The following GRB10 variants were observed in gnomAD, a reference collection of about 807,000 sequenced individuals.
GRB10 encodes growth factor receptor-bound protein 10.
Under a neutral mutation model 80.9 loss-of-function variants are expected in GRB10, and 20 were observed. That is an observed-to-expected ratio of 0.25 (90% CI 0.17 to 0.36). The LOEUF is 0.36. Among genes scored for constraint, GRB10 ranks in the 10% least tolerant of loss-of-function variants. GRB10 has a pLI of 1.00. For missense variants in GRB10, 548 were observed against 747.7 expected (o/e 0.73, Z 3.12); for synonymous variants, 291 against 291.5 (o/e 1.00, Z 0.02).
At chr7:50,604,941 C>T in intron 15 of GRB10, 1 of 322,856 alleles carries the variant, frequency 3.1e-6, no homozygotes, top group Non-Finnish European at 5.8e-6. Context: ...TTGATGTGAG[C>T]ACCTGCTGGC....
chr7:50,620,253 G>A (rs1337828188), intron 8 of GRB10, among the ~76,000 whole-genome samples: 4 of 152,140 alleles, frequency 2.6e-5, no homozygotes, highest in Non-Finnish European at 5.9e-5. Context: ...ATGCCAAAAT[G>A]GTACAGATTA....
At chr7:50,612,925 A>C (rs2049845171) in intron 12 of GRB10, 86 bp from the exon 13 acceptor site, 3 of 808,712 alleles carry the variant, frequency 3.7e-6, no homozygotes, top group Non-Finnish European at 6.4e-6. Flanking sequence ...TCTGACACAA[A>C]CCAGAGACAA....
intron 4 of GRB10, among the ~76,000 whole-genome samples, chr7:50,721,683 T>A (rs796375053): frequency 5.9e-5 from 9 of 152,196 alleles, no homozygotes; most frequent in African/African-American, 2.2e-4. Flanking sequence ...CACCTCACCA[T>A]GTCACCCATT....
chr7:50,651,355 C>T (rs1179303527), intron 7 of GRB10, among the ~76,000 whole-genome samples: 1 of 152,214 alleles, frequency 6.6e-6, no homozygotes, highest in African/African-American at 2.4e-5. Context: ...CTGGCGGCTG[C>T]TGGCATCTTT....
intron 2 of GRB10, among the ~76,000 whole-genome samples, chr7:50,766,162 G>A (rs1320118744): frequency 6.6e-6 from 1 of 152,166 alleles, no homozygotes; most frequent in African/African-American, 2.4e-5. Flanking sequence ...TTTTCATCCA[G>A]TTTCAGGCCA....
At chr7:50,720,431 C>T (rs2067530080) in intron 4 of GRB10, among the ~76,000 whole-genome samples, 1 of 152,114 alleles carries the variant, frequency 6.6e-6, no homozygotes, top group East Asian at 1.9e-4. Flanking sequence ...CCTAAGTGAC[C>T]CCCTTTGTCG....
Position 50,615,037 on chromosome 7 carries a change from C to T in GRB10, c.985-157G>A, listed in dbSNP as rs1038163592. On this transcript the variant is annotated intron_variant, in intron 11 of 18. Coordinates refer to ENST00000401949, the MANE Select transcript of GRB10 (RefSeq NM_001350814.2). Reference sequence around the variant, plus strand: ...ATTATTACGCGAGGTGTAATAAGTGCTAAACTAAAACCAAATTCACCCAGT... The same window carrying T: ...ATTATTACGCGAGGTGTAATAAGTGTTAAACTAAAACCAAATTCACCCAGT... Among the ~76,000 whole-genome samples, 4 of 152,154 alleles carry T rather than the reference C, an allele frequency of 2.6e-5. No homozygotes were observed. The East Asian group carries it at 7.7e-4, about 29-fold the overall frequency.
intron 17 of GRB10, among the ~76,000 whole-genome samples, chr7:50,602,872 T>C (rs1018061862): frequency 2.6e-5 from 4 of 152,186 alleles, no homozygotes; most frequent in Admixed American, 2.0e-4. Context: ...TGGCAAAAAT[T>C]TAGGATATCT....
Position 50,592,695 on chromosome 7 carries a change from T to C in GRB10, c.*257A>G, listed in dbSNP as rs77693045. On this transcript the variant is annotated 3_prime_UTR_variant, in exon 19 of 19. Coordinates refer to ENST00000401949, the MANE Select transcript of GRB10 (RefSeq NM_001350814.2). ...AGCCAAGATGATCATTCCAGTTTAT[T>C]TTCAACTTTCCGCTGGATCTTCCAT... 4,826 of 536,436 alleles carry C rather than the reference T, an allele frequency of 9.0e-3. 155 individuals are homozygous for C. The highest frequency in any genetic ancestry group is 0.075 in the African/African-American group (3,966 of 52,708). The allele number at this position is 536,436 out of a possible 1,614,324, so 33.2% of individuals were successfully genotyped here. A position where few individuals can be genotyped will look rare whatever the true frequency, so the allele number is the denominator to read the frequency against.
intron 4 of GRB10, among the ~76,000 whole-genome samples, chr7:50,713,625 C>CT (rs1204696588): frequency 3.6e-4 from 46 of 129,180 alleles, no homozygotes; most frequent in African/African-American, 1.0e-3. Context: ...CCACCTCCTC[C>CT]ACCATCACCT....
intron 7 of GRB10, among the ~76,000 whole-genome samples, chr7:50,652,654 C>CGCT (rs1563301590): frequency 6.6e-6 from 1 of 152,168 alleles, no homozygotes; most frequent in African/African-American, 2.4e-5. Context: ...CTGAGACTTC[C>CGCT]GCTGCTTGCT....
intron 3 of GRB10, among the ~76,000 whole-genome samples, chr7:50,755,099 T>G (rs1341834373): frequency 6.6e-6 from 1 of 152,226 alleles, no homozygotes; most frequent in Non-Finnish European, 1.5e-5. Flanking sequence ...ACTTCTGTTG[T>G]GTAGCCAGCC....
intron 7 of GRB10, among the ~76,000 whole-genome samples, chr7:50,639,060 G>A (rs941137455): frequency 6.6e-6 from 1 of 152,136 alleles, no homozygotes; most frequent in African/African-American, 2.4e-5. Flanking sequence ...ACATAAAGAT[G>A]GAATTAACAG....
chr7:50,617,053 C>A (rs1163689515), intron 10 of GRB10, among the ~76,000 whole-genome samples: 1 of 152,158 alleles, frequency 6.6e-6, no homozygotes. Context: ...CTTCTTGAGT[C>A]TCAAGAGATC....
chr7:50,687,939 C>CA (rs2062304140), intron 5 of GRB10, among the ~76,000 whole-genome samples: 1 of 152,246 alleles, frequency 6.6e-6, no homozygotes, highest in African/African-American at 2.4e-5. Context: ...TTGTATTTCA[C>CA]AAGTATTCCT....
intron 8 of GRB10, among the ~76,000 whole-genome samples, chr7:50,619,948 G>A (rs944880397): frequency 2.0e-5 from 3 of 152,264 alleles, no homozygotes; most frequent in African/African-American, 4.8e-5. Context: ...ATGCACGTAC[G>A]CACACGCCTC....
chr7:50,660,796 C>T (rs1352661110), intron 7 of GRB10, among the ~76,000 whole-genome samples: 2 of 151,768 alleles, frequency 1.3e-5, no homozygotes, highest in African/African-American at 2.4e-5. Flanking sequence ...GTGCGTGAAG[C>T]CACAAGGGAC....
intron 2 of GRB10, among the ~76,000 whole-genome samples, chr7:50,773,093 A>AT (rs1315381106): frequency 6.6e-6 from 1 of 152,144 alleles, no homozygotes; most frequent in Non-Finnish European, 1.5e-5. Context: ...CATGTCTCAC[A>AT]TGGTGGCAGA....
At position 50,648,453 on chromosome 7, in the gene GRB10, A is replaced by G. The variant is rs570736155; in HGVS notation, c.504+21269T>C. On this transcript the variant is annotated intron_variant, in intron 7 of 18. Coordinates refer to ENST00000401949, the MANE Select transcript of GRB10 (RefSeq NM_001350814.2). ...GCATTAGGAAACCAAGGAAAATGAT[A>G]ATCTTCTGAAAGCAGTAATTTTAAC... is the stretch of plus-strand genomic sequence containing the variant. Among the ~76,000 whole-genome samples the G allele has an allele frequency of 2.0e-5, 3 of 152,352 alleles. No individual in the cohort carries two copies. The South Asian group carries it at 6.2e-4, about 32-fold the overall frequency.
Sources: gnomAD v4.1 joint callset for allele counts (sites outside exome capture counted in the v4.1 genomes callset) on GRCh38, gnomAD v4.1.1 for gene constraint, MANE v1.5 for transcripts, NCBI Gene and HGNC (gene_info 2026-07-23, HGNC 2026-07-21) for gene names.